The following FANCD2 variants were observed in gnomAD, a reference collection of about 807,000 sequenced individuals.
FANCD2 encodes FA complementation group D2, also known as Fanconi anemia group D2 protein.
In FANCD2, 131 loss-of-function variants were observed where a neutral mutation model predicts 192.3. The ratio of observed to expected loss-of-function variants is 0.68; its 90% CI spans 0.59 to 0.79. The LOEUF is 0.79. Among genes scored for constraint, FANCD2 ranks in the 30% least tolerant of loss-of-function variants. The pLI, the probability that FANCD2 is intolerant of heterozygous loss-of-function variation, is 0.00. For synonymous variants in FANCD2, 524 were observed against 612.5 expected (o/e 0.86, Z 2.13); for missense variants, 1,508 against 1,701.6 (o/e 0.89, Z 2.00).
At chr3:10,035,653 A>G (rs2086709885) in intron 6 of FANCD2, among the ~76,000 whole-genome samples, 1 of 152,192 alleles carries the variant, frequency 6.6e-6, no homozygotes, top group African/African-American at 2.4e-5. Flanking sequence ...CTCAAGTTAT[A>G]CAAATGTATA....
intron 17 of FANCD2, among the ~76,000 whole-genome samples, chr3:10,049,831 G>A (rs904953760): frequency 1.3e-5 from 2 of 152,214 alleles, no homozygotes; most frequent in African/African-American, 4.8e-5. Flanking sequence ...TGGGAAGCTG[G>A]AGAATTCTTC....
intron 26 of FANCD2, among the ~76,000 whole-genome samples, chr3:10,067,787 G>C (rs2087762471): frequency 6.6e-6 from 1 of 152,152 alleles, no homozygotes; most frequent in Non-Finnish European, 1.5e-5. Context: ...GACAGAGCGA[G>C]ACTCCCATCT....
chr3:10,043,570 C>T lies in FANCD2; in HGVS notation c.1076C>T (p.Thr359Ile). ...VIKSAIRYEK[T>I]ISEAWIKAIE... is the part of the protein sequence containing the mutation. ...AAGTCAGCTATTAGATATGAGAAAA[C>T]CATTTCAGAAGCCTGGATTAAGGTG... Residue 359 changes from threonine (T) to isoleucine (I), a missense_variant, in exon 13 of 44, where the codon ACC becomes ATC. Physicochemically the swap from Thr to Ile is moderately conservative, Grantham distance 89. Transcript: ENST00000675286. 2 of 1,612,832 alleles carry T rather than the reference C, an allele frequency of 1.2e-6. No individual in the cohort carries two copies. The highest frequency in any genetic ancestry group is 1.7e-6 in the Non-Finnish European group (2 of 1,178,886).
chr3:10,085,925 G>A lies in FANCD2; in HGVS notation c.3335+3G>A, dbSNP rs1356789236. 14 of 1,587,196 alleles carry A rather than the reference G, an allele frequency of 8.8e-6. No individual in the cohort carries two copies. The highest frequency in any genetic ancestry group is 1.2e-5 in the Non-Finnish European group (14 of 1,155,522). On this transcript the variant is annotated splice_donor_region_variant and intron_variant, in intron 33 of 43. Coordinates refer to ENST00000675286, the MANE Select transcript of FANCD2 (RefSeq NM_001018115.3). ...CAGCCTTTGGAGGAACTACTCAGGT[G>A]AGTCATAACTACATAGCCAAGATTG...
chr3:10,060,688 T>C (rs2087540747), intron 19 of FANCD2, among the ~76,000 whole-genome samples: 1 of 152,226 alleles, frequency 6.6e-6, no homozygotes. Context: ...CTGATTCTTT[T>C]AGAATGCATT....
At chr3:10,029,229 A>G (rs1411749379) in intron 2 of FANCD2, among the ~76,000 whole-genome samples, 1 of 152,156 alleles carries the variant, frequency 6.6e-6, no homozygotes, top group East Asian at 1.9e-4. Context: ...GCTGGGTGCT[A>G]TCGCTCACAC....
At chr3:10,044,850 A>C (rs1159730159) in intron 14 of FANCD2, among the ~76,000 whole-genome samples, 1 of 152,148 alleles carries the variant, frequency 6.6e-6, no homozygotes, top group Non-Finnish European at 1.5e-5. Flanking sequence ...CTGCATACCT[A>C]TTTTTACATA....
At chr3:10,073,135 A>G in intron 27 of FANCD2, 118 bp from the exon 28 acceptor site, 2 of 908,686 alleles carry the variant, frequency 2.2e-6, no homozygotes, top group South Asian at 1.4e-5. Context: ...ATTTAGGGTT[A>G]TAAAATTACC....
chr3:10,062,430 C>T (rs1419874680), intron 20 of FANCD2, among the ~76,000 whole-genome samples: 3 of 151,838 alleles, frequency 2.0e-5, no homozygotes, highest in Non-Finnish European at 2.9e-5. Flanking sequence ...TTGGTAGAGA[C>T]GAGGTTTCAC....
intron 26 of FANCD2, among the ~76,000 whole-genome samples, chr3:10,071,540 T>C (rs1402473782): frequency 1.3e-5 from 2 of 152,198 alleles, no homozygotes; most frequent in African/African-American, 4.8e-5. Flanking sequence ...TTTGCAACAA[T>C]ACAGATGGAA....
At chr3:10,070,399 G>T (rs1369889511) in intron 26 of FANCD2, among the ~76,000 whole-genome samples, 2 of 135,642 alleles carry the variant, frequency 1.5e-5, no homozygotes, top group Non-Finnish European at 3.2e-5. Context: ...CCCCCGCCCG[G>T]CCAGCTGCCC....
intron 26 of FANCD2, among the ~76,000 whole-genome samples, chr3:10,068,495 G>T (rs1486012228): frequency 6.6e-6 from 1 of 151,698 alleles, no homozygotes; most frequent in African/African-American, 2.4e-5. Flanking sequence ...AAATTAAAGA[G>T]CAAATAAAAA....
chr3:10,045,305 A>C (rs937163008), intron 14 of FANCD2, among the ~76,000 whole-genome samples: 2 of 151,878 alleles, frequency 1.3e-5, no homozygotes, highest in African/African-American at 4.8e-5. Context: ...AGTAGCTGGG[A>C]CTACAGGCAC....
At chr3:10,040,591 T>G (rs2086841100) in intron 9 of FANCD2, 1 of 456,258 alleles carries the variant, frequency 2.2e-6, no homozygotes, top group Admixed American at 2.4e-5. Flanking sequence ...GACCCATTGC[T>G]TACTGTCATT....
In FANCD2 at chr3:10,074,518, ACTT is replaced by A. The variant is rs1693426945; in HGVS notation, c.2716-10_2716-8del. 6.2e-7 allele frequency: 1 copy of A among 1,610,932 alleles called. No individual in the cohort carries two copies. The highest frequency in any genetic ancestry group is 8.5e-7 in the Non-Finnish European group (1 of 1,177,894). On this transcript the variant is annotated splice_polypyrimidine_tract_variant and intron_variant, in intron 28 of 43. Coordinates refer to ENST00000675286, the MANE Select transcript of FANCD2 (RefSeq NM_001018115.3). ...TTTATATATTCTCTTTGTTGCTGTG[ACTT>A]CCCCATAGGAGTTCACAGGGAAGGA...
rs577471623 is a variant in FANCD2, at chr3:10,038,922, G to A, written c.492-357G>A. On this transcript the variant is annotated intron_variant, in intron 7 of 43. Coordinates refer to ENST00000675286, the MANE Select transcript of FANCD2 (RefSeq NM_001018115.3). ...AGCACTTACTGCGTTGATGTTATTA[G>A]TGTCTTACCTTTTAAAAATACTTGT... Among the ~76,000 whole-genome samples the A allele has an allele frequency of 3.3e-5, 5 of 152,220 alleles. No individual in the cohort carries two copies. In the South Asian group the frequency reaches 1.0e-3, roughly 32 times the overall value.
At chr3:10,100,929 C>T (rs950214914) in intron 43 of FANCD2, among the ~76,000 whole-genome samples, 2 of 151,992 alleles carry the variant, frequency 1.3e-5, no homozygotes, top group Non-Finnish European at 2.9e-5. Context: ...ATTAGCCGGG[C>T]GTGGTGGCAC....
At chr3:10,027,324 A>G (rs1460619520) in intron 1 of FANCD2, among the ~76,000 whole-genome samples, 5 of 152,190 alleles carry the variant, frequency 3.3e-5, no homozygotes, top group Admixed American at 2.6e-4. Flanking sequence ...ACACTTTTCA[A>G]GGAAGATGAC....
intron 19 of FANCD2, among the ~76,000 whole-genome samples, chr3:10,061,538 C>T (rs2087566894): frequency 6.6e-6 from 1 of 152,094 alleles, no homozygotes; most frequent in African/African-American, 2.4e-5. Context: ...TTTGTAGACT[C>T]ACATCAGCAA....
Sources: gnomAD v4.1 joint callset for allele counts (sites outside exome capture counted in the v4.1 genomes callset) on GRCh38, gnomAD v4.1.1 for gene constraint, MANE v1.5 for transcripts, NCBI Gene and HGNC (gene_info 2026-07-23, HGNC 2026-07-21) for gene names.